Variants in NRBP2 observed in about 807,000 individuals in gnomAD.
NRBP2 encodes the protein nuclear receptor binding protein 2, also known as nuclear receptor-binding protein 2.
NRBP2 carries 47 observed loss-of-function variants against 74.4 expected under a neutral mutation model. The ratio of observed to expected loss-of-function variants is 0.63; its 90% CI spans 0.50 to 0.81. The LOEUF (loss-of-function observed/expected upper bound fraction) is 0.81. Ranked by LOEUF, NRBP2 falls within the 30% of genes least tolerant of loss-of-function variation. The pLI, the probability that NRBP2 is intolerant of heterozygous loss-of-function variation, is 0.00. For synonymous variants in NRBP2, 312 were observed against 273.8 expected, an observed-to-expected ratio of 1.14 and a Z score of -1.38; for missense variants, 613 against 690.1, an observed-to-expected ratio of 0.89 and a Z score of 1.25.
At position 143,835,784 on chromosome 8, in the gene NRBP2, C is replaced by G. The variant is rs1818340761; in HGVS notation, c.1437+36G>C. On this transcript the variant is annotated intron_variant, in intron 17 of 17. Coordinates refer to ENST00000442628, the MANE Select transcript of NRBP2 (RefSeq NM_178564.4). The surrounding 1 kb of genome is among the most constrained non-coding windows in gnomAD (Gnocchi z 4.9). ...GAGGGGCGCGGCCTGCCCCGTGCGC[C>G]CCCTCCGCCAGGCCGCGCCGCACCG... is the stretch of plus-strand genomic sequence containing the variant. 1 of 1,603,090 alleles carries G rather than the reference C, an allele frequency of 6.2e-7. No individual in the cohort carries two copies. Among genetic ancestry groups the G allele is most frequent in the South Asian group, 1.1e-5 (1 of 90,264 alleles).
intron 10 of NRBP2, chr8:143,838,148 A>T: frequency 2.4e-6 from 1 of 425,202 alleles, no homozygotes; most frequent in Admixed American, 3.6e-5. Context: ...CCAGCTCGCC[A>T]CCAGCCCCGA....
Position 143,837,434 on chromosome 8 carries a change from CG to C in NRBP2, c.1048del (p.Arg350GlyfsTer33). 1.9e-6 allele frequency: 3 copies of C among 1,606,990 alleles called. No homozygotes were observed. The highest frequency in any genetic ancestry group is 8.5e-7 in the Non-Finnish European group (1 of 1,177,908). ...CCACTGCAGCGGGGGCCTGCGGGGC[CG>C]GGGAAGCTCCGCCAAGACCGCGTGC... ...DLHAVLAELPRPRRPPLQWRY... is the reference protein window; with the variant it reads ...DLHAVLAELPXPRRPPLQWRY... On this transcript the variant is annotated frameshift_variant, in exon 12 of 18. Coordinates refer to ENST00000442628, the MANE Select transcript of NRBP2 (RefSeq NM_178564.4). LOFTEE classifies it high-confidence loss of function. This position sits in a 1 kb window ranked among gnomAD's most constrained non-coding sequence, Gnocchi z 4.3.
chr8:143,840,926 C>A lies in NRBP2; in HGVS notation c.-92G>T. ...CCTGGCCTCGCGCCCAGCAGCCCAG[C>A]CTAGAGCCGCCGCGGCAGCCTAGAG... On this transcript the variant is annotated 5_prime_UTR_variant, in exon 1 of 18. Coordinates refer to ENST00000442628, the MANE Select transcript of NRBP2 (RefSeq NM_178564.4). This position sits in a 1 kb window ranked among gnomAD's most constrained non-coding sequence, Gnocchi z 5.7. The A allele has an allele frequency of 8.5e-7, 1 of 1,177,936 alleles. No homozygotes were observed. The highest frequency in any genetic ancestry group is 1.0e-6 in the Non-Finnish European group (1 of 955,442). The allele number at this position is 1,177,936 out of a possible 1,614,324, so 73.0% of individuals were successfully genotyped here.
At chr8:143,836,586 T>G in intron 14 of NRBP2, among the ~76,000 whole-genome samples, 1 of 150,964 alleles carries the variant, frequency 6.6e-6, no homozygotes, top group Non-Finnish European at 1.5e-5. Flanking sequence ...GAATTCTGGC[T>G]GCACTGCACC....
rs1554652770 is a variant in NRBP2, at chr8:143,839,068, C to T, written c.637G>A (p.Ala213Thr). Residue 213 changes from alanine to threonine, a missense_variant, in exon 8 of 18, where the codon GCT (alanine) becomes ACT (threonine). Coordinates refer to ENST00000442628, the MANE Select transcript of NRBP2 (RefSeq NM_178564.4). This position sits in a 1 kb window ranked among gnomAD's most constrained non-coding sequence, Gnocchi z 5.1. ...AGGTTCCGAAGTTCCTCTCGCTCAG[C>T]GCGGATGGGGCTTCGGAGATCATCT... ...LPDDLRSPIR[A>T]EREELRNLHF... 2.0e-6 allele frequency: 3 copies of T among 1,532,982 alleles called. No homozygotes were observed. Among genetic ancestry groups the T allele is most frequent in the East Asian group, 4.9e-5 (2 of 40,774 alleles). 95.0% of individuals were successfully genotyped at this position (1,532,982 alleles called of 1,614,324 possible). A position where few individuals can be genotyped will look rare whatever the true frequency, so the allele number is the denominator to read the frequency against.
In NRBP2 at chr8:143,835,574, G is replaced by A. The variant is rs566531907; in HGVS notation, c.*88C>T. On this transcript the variant is annotated 3_prime_UTR_variant, in exon 18 of 18. Transcript: ENST00000442628. The surrounding 1 kb of genome is among the most constrained non-coding windows in gnomAD (Gnocchi z 4.9). ...GCCTTTGTGCTCCCAGGCGCATGGA[G>A]GAGGGCAGCCCCACGGTGCTGGAGT... is the stretch of plus-strand genomic sequence containing the variant. 7 of 1,129,932 alleles carry A rather than the reference G, an allele frequency of 6.2e-6. No individual in the cohort carries two copies. The highest frequency in any genetic ancestry group is 8.8e-6 in the Non-Finnish European group (7 of 796,354). 70.0% of individuals were successfully genotyped at this position (1,129,932 alleles called of 1,614,324 possible). A position where few individuals can be genotyped will look rare whatever the true frequency, so the allele number is the denominator to read the frequency against.
rs1554651448 is a variant in NRBP2 at position 143,835,829 on chromosome 8, G to C, written c.1428C>G (p.Phe476Leu). The change falls in exon 17 of 18, where the codon TTC (phenylalanine) becomes TTG (leucine). Residue 476 changes from phenylalanine to leucine, a missense_variant. Phe to Leu is a conservative substitution (Grantham distance 22, BLOSUM62 0). This residue lies in a region of NRBP2 where 281 missense variants were observed against 260.9 expected (regional missense o/e 1.08). Coordinates refer to ENST00000442628, the MANE Select transcript of NRBP2 (RefSeq NM_178564.4). This position sits in a 1 kb window ranked among gnomAD's most constrained non-coding sequence, Gnocchi z 4.9. Reference sequence around the variant, plus strand: ...GCACCGCCCAGCGCACCTCGTGGAGGAAGCCATAGTGCACGAGCTCCGAGG... The same window carrying C: ...GCACCGCCCAGCGCACCTCGTGGAGCAAGCCATAGTGCACGAGCTCCGAGG... ...DLASELVHYG[F>L]LHEDDRMKLA... 1 of 1,601,576 alleles carries C rather than the reference G, an allele frequency of 6.2e-7. No individual in the cohort carries two copies. Among genetic ancestry groups the C allele is most frequent in the African/African-American group, 1.3e-5 (1 of 74,870 alleles).
chr8:143,832,322 T>C, downstream of NRBP2, among the ~76,000 whole-genome samples: 1 of 151,994 alleles, frequency 6.6e-6, no homozygotes. Context: ...AGCCAGGTAT[T>C]GTCCAAGGTT....
In NRBP2 at chr8:143,839,322, A is replaced by G; in HGVS notation, c.572T>C (p.Ile191Thr). 4 of 1,525,232 alleles carry G rather than the reference A, an allele frequency of 2.6e-6. No individual in the cohort carries two copies. The highest frequency in any genetic ancestry group is 3.5e-6 in the Non-Finnish European group (4 of 1,135,446). The allele number at this position is 1,525,232 out of a possible 1,614,324, so 94.5% of individuals were successfully genotyped here. A position where few individuals can be genotyped will look rare whatever the true frequency, so the allele number is the denominator to read the frequency against. The change falls in exon 6 of 18, where the codon ATC becomes ACC. Residue 191 changes from isoleucine (I) to threonine (T), a missense_variant. Around this residue, in one of 2 missense-constraint regions of NRBP2, gnomAD observed 332 missense variants for 429.2 expected, o/e 0.77. Transcript: ENST00000442628. The surrounding 1 kb of genome is among the most constrained non-coding windows in gnomAD (Gnocchi z 5.1). ...CCCTGCCCCGCCAGCACCGGAGCCG[A>G]TCTTGATGAGGCCGTTGTGCTGAAT... ...IFIQHNGLIK[I>T]GSVWHRIFSN...
downstream of NRBP2, among the ~76,000 whole-genome samples, chr8:143,832,714 C>T (rs1368538953): frequency 1.3e-5 from 2 of 152,192 alleles, no homozygotes; most frequent in South Asian, 2.1e-4. Context: ...TGTCTGCTGA[C>T]CCTCTCCCCA....
rs1297815751 is a variant in NRBP2 at position 143,833,856 on chromosome 8, T to C, written c.*1806A>G. 2 of 152,228 alleles carry C rather than the reference T, an allele frequency of 1.3e-5. No homozygotes were observed. The highest frequency in any genetic ancestry group is 2.4e-5 in the African/African-American group (1 of 41,450). The allele number at this position is 152,228 out of a possible 1,614,324, so 9.4% of individuals were successfully genotyped here. ...AGCATGAGGGTTTCCATCTAGGATA[T>C]GGAAATTACTTTAGATTGCTAATTT... is the stretch of plus-strand genomic sequence containing the variant. On this transcript the variant is annotated 3_prime_UTR_variant, in exon 18 of 18. Transcript: ENST00000442628.
At chr8:143,833,517 A>AATTTT (rs1818236084), downstream of NRBP2, 1 of 152,114 alleles carries the variant, frequency 6.6e-6, no homozygotes, top group Non-Finnish European at 1.5e-5. Flanking sequence ...ACAGGACTAA[A>AATTTT]AGCATGCTCA....
rs1462646875 is a variant in NRBP2, at chr8:143,837,956, G to A, written c.841-201C>T. ...CTGAGCTTGAGGACAGCTGGGTTCT[G>A]GGATTGGAGCACCATGCTCTGCTTC... On this transcript the variant is annotated intron_variant, in intron 10 of 17. Transcript: ENST00000442628. The surrounding 1 kb of genome is among the most constrained non-coding windows in gnomAD (Gnocchi z 4.3). 3 of 726,654 alleles carry A rather than the reference G, an allele frequency of 4.1e-6. No individual in the cohort carries two copies. Among genetic ancestry groups the A allele is most frequent in the Non-Finnish European group, 7.4e-6 (3 of 407,900 alleles). 45.0% of individuals were successfully genotyped at this position (726,654 alleles called of 1,614,324 possible).
chr8:143,831,119 C>T (rs143382117), downstream of NRBP2, among the ~76,000 whole-genome samples: 5 of 152,346 alleles, frequency 3.3e-5, no homozygotes, highest in East Asian at 9.6e-4. Context: ...GACAGCTTCC[C>T]TTGGCAATAA....
intron 10 of NRBP2, 137 bp downstream of exon 10, chr8:143,838,543 T>C (rs1586659449): frequency 3.0e-6 from 2 of 665,940 alleles, no homozygotes; most frequent in East Asian, 2.7e-5. Context: ...TGAGGTCCTC[T>C]TTGGGAGGGG....
In NRBP2 at chr8:143,840,344, C is replaced by A. The variant is rs1165396538; in HGVS notation, c.130-115G>T. ...CCAAGCGTGGGCTGCAGGCCCTGAG[C>A]CACTCTGCGGGAAGGTGGGGCTTGG... On this transcript the variant is annotated intron_variant, in intron 1 of 17. Transcript: ENST00000442628. The surrounding 1 kb of genome is among the most constrained non-coding windows in gnomAD (Gnocchi z 5.7). 5.8e-6 allele frequency: 8 copies of A among 1,378,932 alleles called. No individual in the cohort carries two copies. In the Admixed American group the frequency reaches 1.8e-4, roughly 31 times the overall value. The allele number at this position is 1,378,932 out of a possible 1,614,324, so 85.4% of individuals were successfully genotyped here. A position where few individuals can be genotyped will look rare whatever the true frequency, so the allele number is the denominator to read the frequency against.
At position 143,840,529 on chromosome 8, in the gene NRBP2, C is replaced by T. The variant is rs577670377; in HGVS notation, c.129+177G>A. 1.5e-4 allele frequency: 104 copies of T among 694,782 alleles called. No homozygotes were observed. Among genetic ancestry groups the T allele is most frequent in the African/African-American group, 1.3e-3 (74 of 55,258 alleles). The allele number at this position is 694,782 out of a possible 1,614,324, so 43.0% of individuals were successfully genotyped here. A position where few individuals can be genotyped will look rare whatever the true frequency, so the allele number is the denominator to read the frequency against. ...GGGAGGAGACTGGCCCTCAGGGAGT[C>T]CCAGGGCGAGCGCCAGGCCAAAGGG... is the stretch of plus-strand genomic sequence containing the variant. On this transcript the variant is annotated intron_variant, in intron 1 of 17. Coordinates refer to ENST00000442628, the MANE Select transcript of NRBP2 (RefSeq NM_178564.4). The surrounding 1 kb of genome is among the most constrained non-coding windows in gnomAD (Gnocchi z 5.7).
In NRBP2 at chr8:143,837,611, C is replaced by T. The variant is rs1818478802; in HGVS notation, c.973+12G>A. The stretch of plus-strand genomic sequence containing the variant: ...CCTCCCCAGCCACCCCCCGGGCCGG[C>T]CTGCTGCTCACACTGGTGCTGGATG... On this transcript the variant is annotated intron_variant, in intron 11 of 17. Transcript: ENST00000442628. The surrounding 1 kb of genome is among the most constrained non-coding windows in gnomAD (Gnocchi z 4.3). The T allele has an allele frequency of 6.3e-7, 1 of 1,599,854 alleles. No homozygotes were observed. Among genetic ancestry groups the T allele is most frequent in the African/African-American group, 1.3e-5 (1 of 74,874 alleles).
rs148005378 is a variant in NRBP2, at chr8:143,836,148, G to A, written c.1296C>T (p.Ser432=). 1.1e-3 allele frequency: 1,743 copies of A among 1,595,786 alleles called. No individual in the cohort carries two copies. Among genetic ancestry groups the A allele is most frequent in the Non-Finnish European group, 1.4e-3 (1,609 of 1,174,058 alleles). The change falls in exon 15 of 18, where the codon AGC becomes AGT. Residue 432 remains serine (S), a synonymous_variant. Transcript: ENST00000442628. ...TCACATGCCAGCGCGCCTTGTCCTC[G>A]CTTCTCTCCAGGTTGCACTGCATCT... The part of the protein sequence containing the change: ...VIQMQCNLER[S]EDKARWHLTL...
Sources: allele counts gnomAD v4.1 joint callset (sites outside exome capture counted in the v4.1 genomes callset), GRCh38; gene constraint gnomAD v4.1.1; regional missense constraint gnomAD v4.1.1; non-coding constraint Gnocchi (gnomAD v3.1); transcripts MANE v1.5; gene names NCBI Gene and HGNC (gene_info 2026-07-23, HGNC 2026-07-21).